Variants in CUL1 observed in about 807,000 individuals in gnomAD.
CUL1 encodes the protein cullin 1.
Under a neutral mutation model 118.0 loss-of-function variants are expected in CUL1, and 24 were observed. The ratio of observed to expected loss-of-function variants is 0.20; its 90% CI spans 0.15 to 0.29. CUL1 has a LOEUF of 0.29. Ranked by LOEUF, CUL1 falls within the 10% of genes least tolerant of loss-of-function variation. The pLI, the probability that CUL1 is intolerant of heterozygous loss-of-function variation, is 1.00. For synonymous variants in CUL1, 332 were observed against 340.4 expected (o/e 0.98, Z 0.27); for missense variants, 361 against 933.8 (o/e 0.39, Z 7.99).
chr7:148,710,428 G>C (rs1563146395), intron 1 of CUL1, among the ~76,000 whole-genome samples: 1 of 152,064 alleles, frequency 6.6e-6, no homozygotes, highest in Non-Finnish European at 1.5e-5. Context: ...AATTAGCCAG[G>C]CATGGTGGTG....
rs1028045147 is a variant in CUL1, at chr7:148,748,725, C to T, written c.141-5251C>T. Among the ~76,000 whole-genome samples, 5 of 152,162 alleles carry T rather than the reference C, an allele frequency of 3.3e-5. No individual in the cohort carries two copies. The East Asian group carries it at 5.8e-4, about 18-fold the overall frequency. ...GGCACATGTGAAATAATGGCCCCCCCGTTCTGGCCCAGCAGAAATTATATA... is the reference window on the plus strand; with the variant it reads ...GGCACATGTGAAATAATGGCCCCCCTGTTCTGGCCCAGCAGAAATTATATA... On this transcript the variant is annotated intron_variant, in intron 2 of 21. Coordinates refer to ENST00000325222, the MANE Select transcript of CUL1 (RefSeq NM_003592.3).
At chr7:148,747,334 C>T (rs1217598379) in intron 2 of CUL1, among the ~76,000 whole-genome samples, 1 of 152,176 alleles carries the variant, frequency 6.6e-6, no homozygotes, top group Non-Finnish European at 1.5e-5. Context: ...GTGTGAAATA[C>T]AGCAAAGTGT....
chr7:148,722,407 C>T (rs1798423878), intron 1 of CUL1, among the ~76,000 whole-genome samples: 1 of 152,196 alleles, frequency 6.6e-6, no homozygotes, highest in Non-Finnish European at 1.5e-5. Context: ...GAAACTCCTC[C>T]ATAGCCGCTT....
At position 148,800,462 on chromosome 7, in the gene CUL1, T is replaced by C; in HGVS notation, c.2251-40T>C. On this transcript the variant is annotated intron_variant, in intron 21 of 21. Transcript: ENST00000325222. The surrounding 1 kb of genome is among the most constrained non-coding windows in gnomAD (Gnocchi z 4.6). Reference sequence around the variant, plus strand: ...TTCTGATGATAATTTGTGTTTTTCTTCTCTTTCACTACCTCTTCCTTTTTA... The same window carrying C: ...TTCTGATGATAATTTGTGTTTTTCTCCTCTTTCACTACCTCTTCCTTTTTA... 6.5e-7 allele frequency: 1 copy of C among 1,533,434 alleles called. No homozygotes were observed. Among genetic ancestry groups the C allele is most frequent in the Non-Finnish European group, 9.0e-7 (1 of 1,107,416 alleles). The allele number at this position is 1,533,434 out of a possible 1,614,324, so 95.0% of individuals were successfully genotyped here. A position where few individuals can be genotyped will look rare whatever the true frequency, so the allele number is the denominator to read the frequency against.
At chr7:148,698,073 G>A (rs1272569021), upstream of CUL1, 1 of 152,200 alleles carries the variant, frequency 6.6e-6, no homozygotes, top group African/African-American at 2.4e-5. Context: ...TTTTATCTTA[G>A]AAGTGATTTT....
intron 9 of CUL1, among the ~76,000 whole-genome samples, chr7:148,777,357 AT>A (rs1363429072): frequency 6.6e-6 from 1 of 152,242 alleles, no homozygotes; most frequent in Non-Finnish European, 1.5e-5. Context: ...GCCGGTTAAA[AT>A]AATGAGAAAA....
chr7:148,699,563 G>A (rs6944895), intron 1 of CUL1, among the ~76,000 whole-genome samples: 24,185 of 152,194 alleles, frequency 0.16, 2,087 homozygotes, highest in East Asian at 0.28. Flanking sequence ...AAGCGCAGGA[G>A]CAGCCGCGGA....
At chr7:148,735,361 C>A (rs542330958) in intron 2 of CUL1, among the ~76,000 whole-genome samples, 2 of 152,214 alleles carry the variant, frequency 1.3e-5, no homozygotes, top group Admixed American at 6.5e-5. Flanking sequence ...TGAGCAGTCC[C>A]GTCTTGGCTG....
At chr7:148,704,256 C>T (rs1049414624) in intron 1 of CUL1, among the ~76,000 whole-genome samples, 1 of 150,488 alleles carries the variant, frequency 6.6e-6, no homozygotes, top group Non-Finnish European at 1.5e-5. Flanking sequence ...GCAGTACTCC[C>T]AGAAATGCAA....
rs1170027596 is a variant in CUL1, at chr7:148,800,464, T to A, written c.2251-38T>A. On this transcript the variant is annotated intron_variant, in intron 21 of 21. Transcript: ENST00000325222. The surrounding 1 kb of genome is among the most constrained non-coding windows in gnomAD (Gnocchi z 4.6). The stretch of plus-strand genomic sequence containing the variant: ...CTGATGATAATTTGTGTTTTTCTTC[T>A]CTTTCACTACCTCTTCCTTTTTAAA... The A allele has an allele frequency of 6.5e-7, 1 of 1,541,950 alleles. No homozygotes were observed. Among genetic ancestry groups the A allele is most frequent in the Admixed American group, 1.7e-5 (1 of 59,716 alleles).
intron 1 of CUL1, among the ~76,000 whole-genome samples, chr7:148,716,782 G>A (rs533589827): frequency 2.0e-5 from 3 of 152,164 alleles, no homozygotes; most frequent in South Asian, 2.1e-4. Flanking sequence ...TCATCATTGC[G>A]CAGTGCTCTA....
chr7:148,771,525 C>T (rs3779034), intron 9 of CUL1, among the ~76,000 whole-genome samples: 68,379 of 151,940 alleles, frequency 0.45, 16,052 homozygotes, highest in Non-Finnish European at 0.52. Context: ...CCCTCCGAAC[C>T]TCGGAGTGGG....
intron 11 of CUL1, among the ~76,000 whole-genome samples, chr7:148,785,219 G>A (rs990284741): frequency 2.6e-5 from 4 of 151,982 alleles, no homozygotes; most frequent in Admixed American, 2.6e-4. Context: ...TTTAACAATT[G>A]CGATCAGATC....
intron 9 of CUL1, among the ~76,000 whole-genome samples, chr7:148,780,203 C>T (rs941666594): frequency 2.6e-5 from 4 of 152,112 alleles, no homozygotes; most frequent in East Asian, 1.9e-4. Context: ...GGTTTGTTGT[C>T]GTGGTTCAGA....
In CUL1 at chr7:148,755,602, T is replaced by C. The variant is rs1045031278; in HGVS notation, c.316-1381T>C. On this transcript the variant is annotated intron_variant, in intron 3 of 21. Transcript: ENST00000325222. ...TATTCACAACACATCATAAAGTGAA[T>C]GTTGTAATTAATTAATTATTCTTTA... 5.3e-5 allele frequency among the ~76,000 whole-genome samples: 8 copies of C among 152,324 alleles called. 1 individual carries two copies. The highest frequency in any genetic ancestry group is 5.2e-4 in the Admixed American group (8 of 15,302).
At chr7:148,745,960 G>A (rs369274060) in intron 2 of CUL1, among the ~76,000 whole-genome samples, 53 of 152,306 alleles carry the variant, frequency 3.5e-4, no homozygotes, top group African/African-American at 1.3e-3. Flanking sequence ...ACTAGATAAT[G>A]GTGAGGAGTG....
chr7:148,758,782 T>G (rs1317534901), intron 4 of CUL1, among the ~76,000 whole-genome samples: 1 of 152,210 alleles, frequency 6.6e-6, no homozygotes, highest in Non-Finnish European at 1.5e-5. Flanking sequence ...TGATTTGGGG[T>G]TTTTGTGCTT....
rs912813751 is a variant in CUL1, at chr7:148,800,831, G to A, written c.*249G>A. ...TAAGAACAGCGGGGACTGACCCTCC[G>A]TGCCGAGGGCTGCATGCTACCGCAC... On this transcript the variant is annotated 3_prime_UTR_variant, in exon 22 of 22. Transcript: ENST00000325222. The surrounding 1 kb of genome is among the most constrained non-coding windows in gnomAD (Gnocchi z 4.6). 10 of 401,534 alleles carry A rather than the reference G, an allele frequency of 2.5e-5. No individual in the cohort carries two copies. The highest frequency in any genetic ancestry group is 4.7e-5 in the East Asian group (1 of 21,058). The allele number at this position is 401,534 out of a possible 1,614,324, so 24.9% of individuals were successfully genotyped here.
intron 7 of CUL1, among the ~76,000 whole-genome samples, chr7:148,764,224 C>CT (rs1799931577): frequency 6.6e-6 from 1 of 152,128 alleles, no homozygotes; most frequent in South Asian, 2.1e-4. Flanking sequence ...TAATTGCATA[C>CT]TTTTATTTAG....
Sources: allele counts gnomAD v4.1 joint callset (sites outside exome capture counted in the v4.1 genomes callset), GRCh38; gene constraint gnomAD v4.1.1; non-coding constraint Gnocchi (gnomAD v3.1); transcripts MANE v1.5; gene names NCBI Gene and HGNC (gene_info 2026-07-23, HGNC 2026-07-21).